The following RNF145 variants were observed in gnomAD, a reference collection of about 807,000 sequenced individuals.
RNF145 encodes the protein ring finger protein 145.
A neutral mutation model predicts 57.3 loss-of-function variants in RNF145; 12 were observed. The ratio of observed to expected loss-of-function variants is 0.21; its 90% CI spans 0.13 to 0.34. The LOEUF (loss-of-function observed/expected upper bound fraction) is 0.34. Among genes scored for constraint, RNF145 ranks in the 10% least tolerant of loss-of-function variants. The pLI is 1.00. For missense variants in RNF145, 429 were observed against 799.0 expected (o/e 0.54, Z 5.58); for synonymous variants, 262 against 288.3 (o/e 0.91, Z 0.92).
At position 159,182,168 on chromosome 5, in the gene RNF145, T is replaced by C. The variant is rs145364408; in HGVS notation, c.294-117A>G. Reference sequence around the variant, plus strand: ...CCCTTTCCATATCTAAGGAAAAATTTAGATATGAAGAATTATATATAAATG... The same window carrying C: ...CCCTTTCCATATCTAAGGAAAAATTCAGATATGAAGAATTATATATAAATG... On this transcript the variant is annotated intron_variant, in intron 3 of 10. Transcript: ENST00000424310. 4.0e-3 allele frequency: 2,196 copies of C among 544,664 alleles called. 41 individuals are homozygous for C. The highest frequency in any genetic ancestry group is 0.038 in the African/African-American group (2,003 of 52,570). The allele number at this position is 544,664 out of a possible 1,614,324, so 33.7% of individuals were successfully genotyped here. A position where few individuals can be genotyped will look rare whatever the true frequency, so the allele number is the denominator to read the frequency against.
chr5:159,186,414 T>TGGACAACTTA (rs1164593457), intron 3 of RNF145, among the ~76,000 whole-genome samples: 1 of 152,224 alleles, frequency 6.6e-6, no homozygotes, highest in Non-Finnish European at 1.5e-5. Flanking sequence ...ACTCAGACAC[T>TGGACAACTTA]GGACAACCTA....
chr5:159,195,674 C>T (rs1430980641), intron 2 of RNF145, among the ~76,000 whole-genome samples: 1 of 152,188 alleles, frequency 6.6e-6, no homozygotes, highest in Non-Finnish European at 1.5e-5. Flanking sequence ...TTCCAATAAA[C>T]ACTGGAAATT....
At chr5:159,164,871 G>A (rs1410198382) in intron 8 of RNF145, among the ~76,000 whole-genome samples, 1 of 152,116 alleles carries the variant, frequency 6.6e-6, no homozygotes, top group Non-Finnish European at 1.5e-5. Flanking sequence ...AGCTAAACGT[G>A]GAAATTACCT....
At chr5:159,171,892 G>GA (rs1784571928) in intron 6 of RNF145, among the ~76,000 whole-genome samples, 1 of 151,870 alleles carries the variant, frequency 6.6e-6, no homozygotes, top group African/African-American at 2.4e-5. Context: ...TTCTTATCAT[G>GA]AAAAAAGGCA....
At chr5:159,208,945 GA>G (rs1786002651) in intron 1 of RNF145, among the ~76,000 whole-genome samples, 1 of 151,698 alleles carries the variant, frequency 6.6e-6, no homozygotes, top group African/African-American at 2.4e-5. Context: ...CCGGGAGCTG[GA>G]ACAGAGGGGG....
chr5:159,197,595 C>A (rs535508201), intron 2 of RNF145, among the ~76,000 whole-genome samples: 87 of 152,270 alleles, frequency 5.7e-4, no homozygotes, highest in African/African-American at 1.5e-3. Context: ...TATGAATGAA[C>A]CATCTGAACT....
At chr5:159,186,490 T>C (rs1310848391) in intron 3 of RNF145, among the ~76,000 whole-genome samples, 2 of 152,206 alleles carry the variant, frequency 1.3e-5, no homozygotes, top group East Asian at 3.8e-4. Context: ...CAAAGAAACC[T>C]AACCTGTTTT....
chr5:159,181,055 A>G (rs1394582210), intron 4 of RNF145, among the ~76,000 whole-genome samples: 1 of 151,372 alleles, frequency 6.6e-6, no homozygotes, highest in Non-Finnish European at 1.5e-5. Flanking sequence ...ATGTAACCAA[A>G]CACCATGTGT....
At chr5:159,202,541 G>C (rs963849689) in intron 2 of RNF145, among the ~76,000 whole-genome samples, 5 of 152,086 alleles carry the variant, frequency 3.3e-5, no homozygotes, top group African/African-American at 9.7e-5. Context: ...TAAGGGGAAC[G>C]TTCTCAGGGC....
Position 159,163,044 on chromosome 5 carries a change from C to T in RNF145, c.1157G>A (p.Cys386Tyr). 1 of 1,608,308 alleles carries T rather than the reference C, an allele frequency of 6.2e-7. No homozygotes were observed. Among genetic ancestry groups the T allele is most frequent in the Non-Finnish European group, 8.5e-7 (1 of 1,178,582 alleles). Reference protein sequence around the residue: ...LWKHFRAVSLCLFLLVFPAYM... With the variant: ...LWKHFRAVSLYLFLLVFPAYM... ...AGCAGGGAATACCAATAAAAATAAA[C>T]AAAGGCTTACAGCACGGAAGTGTTT... Residue 386 changes from cysteine to tyrosine, a missense_variant, in exon 9 of 11, where the codon TGT becomes TAT. Coordinates refer to ENST00000424310, the MANE Select transcript of RNF145 (RefSeq NM_001199383.2).
chr5:159,200,676 T>C (rs973051614), intron 2 of RNF145, among the ~76,000 whole-genome samples: 1 of 152,122 alleles, frequency 6.6e-6, no homozygotes, highest in Non-Finnish European at 1.5e-5. Flanking sequence ...TGTCAAAAAA[T>C]CATAAGCAAA....
intron 6 of RNF145, among the ~76,000 whole-genome samples, chr5:159,170,753 C>G (rs1028003000): frequency 5.3e-5 from 8 of 152,156 alleles, no homozygotes; most frequent in Non-Finnish European, 1.2e-4. Flanking sequence ...TGCCACTGCG[C>G]CTGGCTAATT....
In RNF145 at chr5:159,188,692, T is replaced by G. The variant is rs1785176130; in HGVS notation, c.293+6024A>C. On this transcript the variant is annotated intron_variant, in intron 3 of 10. Transcript: ENST00000424310. ...GTTCAATTAGAATATCAATATTAAA[T>G]ATTTATATGACATTGACTGAACCCA... Among the ~76,000 whole-genome samples, 7 of 152,194 alleles carry G rather than the reference T, an allele frequency of 4.6e-5. No individual in the cohort carries two copies. In the South Asian group the frequency reaches 1.4e-3, roughly 31 times the overall value.
intron 2 of RNF145, 81 bp from the exon 3 acceptor site, chr5:159,194,905 T>C: frequency 9.7e-7 from 1 of 1,027,988 alleles, no homozygotes; most frequent in Non-Finnish European, 1.4e-6. Flanking sequence ...TTGAGACAAA[T>C]AATTTTCCAA....
intron 2 of RNF145, among the ~76,000 whole-genome samples, chr5:159,198,450 G>A (rs1485146193): frequency 6.6e-6 from 1 of 152,166 alleles, no homozygotes; most frequent in Non-Finnish European, 1.5e-5. Flanking sequence ...AGCCTGGATT[G>A]TAACAGTAGC....
chr5:159,185,247 C>CTTTA (rs1172782024), intron 3 of RNF145, among the ~76,000 whole-genome samples: 1 of 152,196 alleles, frequency 6.6e-6, no homozygotes, highest in Non-Finnish European at 1.5e-5. Flanking sequence ...CAGACTCTCT[C>CTTTA]TTTAGGCCAG....
intron 8 of RNF145, among the ~76,000 whole-genome samples, chr5:159,166,571 A>G (rs777824078): frequency 2.0e-5 from 3 of 152,136 alleles, no homozygotes; most frequent in South Asian, 2.1e-4. Context: ...GTGTTTTTCT[A>G]GCTTCATTAT....
intron 3 of RNF145, among the ~76,000 whole-genome samples, chr5:159,182,991 G>A (rs895719621): frequency 2.0e-5 from 3 of 152,018 alleles, no homozygotes; most frequent in African/African-American, 7.3e-5. Flanking sequence ...CAATCAAGTG[G>A]AATTCCTTTA....
At position 159,158,665 on chromosome 5, in the gene RNF145, C is replaced by T. The variant is rs377322846; in HGVS notation, c.*5G>A. 7.4e-5 allele frequency: 119 copies of T among 1,610,190 alleles called. 2 individuals carry two copies. The African/African-American group carries it at 1.4e-3, about 19-fold the overall frequency. On this transcript the variant is annotated 3_prime_UTR_variant, in exon 11 of 11. Transcript: ENST00000424310. ...TATCAAAGCATCATTCCTGCTGCTT[C>T]TCCTCTAGGCTGATTCAACAGGATG...
Sources: gnomAD v4.1 joint callset for allele counts (sites outside exome capture counted in the v4.1 genomes callset) on GRCh38, gnomAD v4.1.1 for gene constraint, MANE v1.5 for transcripts, NCBI Gene and HGNC (gene_info 2026-07-23, HGNC 2026-07-21) for gene names.